The following SAMD12 variants were observed in gnomAD, a reference collection of about 807,000 sequenced individuals.
The protein encoded by SAMD12 is sterile alpha motif domain-containing protein 12.
SAMD12 carries 9 observed loss-of-function variants against 15.0 expected under a neutral mutation model. The observed-to-expected ratio is 0.60, with a 90% CI of 0.36 to 1.05. The LOEUF is 1.05. SAMD12 is among the 50% of genes least tolerant of loss of function. The pLI, the probability that SAMD12 is intolerant of heterozygous loss-of-function variation, is 0.01. For synonymous variants in SAMD12, 86 were observed against 90.1 expected (o/e 0.96, Z 0.25); for missense variants, 230 against 234.2 (o/e 0.98, Z 0.12).
At chr8:118,254,153 A>G (rs1266824322) in intron 4 of SAMD12, among the ~76,000 whole-genome samples, 1 of 152,168 alleles carries the variant, frequency 6.6e-6, no homozygotes, top group Admixed American at 6.5e-5. Flanking sequence ...AAAGACGTAG[A>G]GGAGGGTGAT....
At chr8:118,489,021 A>G (rs922371887) in intron 2 of SAMD12, among the ~76,000 whole-genome samples, 2 of 152,206 alleles carry the variant, frequency 1.3e-5, no homozygotes, top group Non-Finnish European at 2.9e-5. Flanking sequence ...AAACCCTGGT[A>G]TTGACATTTG....
chr8:118,431,371 T>C (rs982806917), intron 3 of SAMD12, among the ~76,000 whole-genome samples: 3 of 152,232 alleles, frequency 2.0e-5, no homozygotes, highest in Non-Finnish European at 4.4e-5. Flanking sequence ...TTCTGATCTA[T>C]ATCATTTTTC....
intron 4 of SAMD12, among the ~76,000 whole-genome samples, chr8:118,266,460 C>T (rs1453391264): frequency 1.3e-5 from 2 of 152,030 alleles, no homozygotes; most frequent in Non-Finnish European, 2.9e-5. Context: ...GTAGAATTAC[C>T]ATATAATCTA....
chr8:118,443,419 T>C (rs1015730720), intron 2 of SAMD12, among the ~76,000 whole-genome samples: 1 of 152,050 alleles, frequency 6.6e-6, no homozygotes, highest in African/African-American at 2.4e-5. Flanking sequence ...GATCGTGCCA[T>C]TGTACACCAG....
chr8:118,339,345 A>G (rs937292701), intron 4 of SAMD12, among the ~76,000 whole-genome samples: 2 of 152,076 alleles, frequency 1.3e-5, no homozygotes, highest in Non-Finnish European at 2.9e-5. Context: ...ATAAAGAGAA[A>G]AGAAAGAAAA....
chr8:118,456,040 C>T (rs1823240216), intron 2 of SAMD12, among the ~76,000 whole-genome samples: 1 of 152,198 alleles, frequency 6.6e-6, no homozygotes, highest in African/African-American at 2.4e-5. Flanking sequence ...ATATGTAAAC[C>T]TGATTGGGTC....
intron 2 of SAMD12, among the ~76,000 whole-genome samples, chr8:118,514,487 T>C (rs1280940668): frequency 1.3e-5 from 2 of 152,218 alleles, no homozygotes; most frequent in Non-Finnish European, 2.9e-5. Flanking sequence ...CTCTCTTCAC[T>C]GCCACAGGAT....
At chr8:118,546,782 G>A (rs1427746090) in intron 2 of SAMD12, among the ~76,000 whole-genome samples, 2 of 152,104 alleles carry the variant, frequency 1.3e-5, no homozygotes, top group Non-Finnish European at 2.9e-5. Flanking sequence ...TATGGGGTGG[G>A]ACAGAAGGAA....
chr8:118,304,149 T>C (rs976629491), intron 4 of SAMD12, among the ~76,000 whole-genome samples: 1 of 152,186 alleles, frequency 6.6e-6, no homozygotes, highest in Non-Finnish European at 1.5e-5. Context: ...GTGCTCCCTA[T>C]AAAGAGAGGA....
At chr8:118,458,972 G>A (rs2130932656) in intron 2 of SAMD12, among the ~76,000 whole-genome samples, 1 of 151,874 alleles carries the variant, frequency 6.6e-6, no homozygotes, top group South Asian at 2.1e-4. Flanking sequence ...GTGTGTGTGT[G>A]TGTGTGTGTG....
At chr8:118,411,278 G>C (rs1821393920) in intron 3 of SAMD12, among the ~76,000 whole-genome samples, 1 of 152,090 alleles carries the variant, frequency 6.6e-6, no homozygotes, top group Admixed American at 6.6e-5. Context: ...TCCTTGCTTA[G>C]TTCAAAAATA....
chr8:118,201,238 C>T (rs1395927928), intron 4 of SAMD12, among the ~76,000 whole-genome samples: 1 of 152,210 alleles, frequency 6.6e-6, no homozygotes. Flanking sequence ...CCATCCCAGC[C>T]TCCTTCTGGC....
chr8:118,441,139 G>C (rs185215499), intron 2 of SAMD12, among the ~76,000 whole-genome samples: 2 of 152,196 alleles, frequency 1.3e-5, no homozygotes, highest in African/African-American at 2.4e-5. Context: ...CCTTGACAAA[G>C]AAAGGGCTTG....
chr8:118,597,020 G>A (rs1180535397), intron 1 of SAMD12, among the ~76,000 whole-genome samples: 1 of 152,098 alleles, frequency 6.6e-6, no homozygotes, highest in Non-Finnish European at 1.5e-5. Context: ...GCAGCTAGGT[G>A]GATGGAATCA....
intron 2 of SAMD12, among the ~76,000 whole-genome samples, chr8:118,524,109 C>T (rs1366773205): frequency 6.6e-6 from 1 of 152,114 alleles, no homozygotes; most frequent in Non-Finnish European, 1.5e-5. Flanking sequence ...CTACCCCAAC[C>T]CCATTTAGAG....
intron 3 of SAMD12, among the ~76,000 whole-genome samples, chr8:118,393,250 T>G (rs1451300678): frequency 2.0e-5 from 3 of 152,004 alleles, no homozygotes; most frequent in Non-Finnish European, 2.9e-5. Flanking sequence ...TCTTGCTCTG[T>G]CATGTGGGGT....
chr8:118,252,040 G>A (rs28365506), intron 4 of SAMD12, among the ~76,000 whole-genome samples: 2 of 152,268 alleles, frequency 1.3e-5, no homozygotes, highest in East Asian at 3.9e-4. Flanking sequence ...GGCTCTGCCT[G>A]GGTGCCGCAG....
chr8:118,471,494 C>T (rs1427203941), intron 2 of SAMD12, among the ~76,000 whole-genome samples: 1 of 152,118 alleles, frequency 6.6e-6, no homozygotes, highest in Non-Finnish European at 1.5e-5. Context: ...CAAATTATAA[C>T]CAATGTCACC....
At chr8:118,430,120 G>A (rs1822355661) in intron 3 of SAMD12, among the ~76,000 whole-genome samples, 1 of 152,092 alleles carries the variant, frequency 6.6e-6, no homozygotes, top group African/African-American at 2.4e-5. Flanking sequence ...CTATTGAGAA[G>A]AATGTATATT....
Sources: allele counts gnomAD v4.1 joint callset (sites outside exome capture counted in the v4.1 genomes callset), GRCh38; gene constraint gnomAD v4.1.1; transcripts MANE v1.5; gene names NCBI Gene and HGNC (gene_info 2026-07-23, HGNC 2026-07-21).